Variants in VASH1 observed in about 807,000 individuals in gnomAD.
The protein encoded by VASH1 is tubulinyl-Tyr carboxypeptidase 1.
VASH1 carries 16 observed loss-of-function variants against 35.0 expected under a neutral mutation model. That is an observed-to-expected ratio of 0.46 (90% CI 0.31 to 0.70). The LOEUF is 0.70. Among genes scored for constraint, VASH1 ranks in the 30% least tolerant of loss-of-function variants. The pLI is 0.05. For synonymous variants in VASH1, 214 were observed against 200.9 expected, an observed-to-expected ratio of 1.07 and a Z score of -0.55; for missense variants, 505 against 510.7, an observed-to-expected ratio of 0.99 and a Z score of 0.11.
intron 1 of VASH1, among the ~76,000 whole-genome samples, chr14:76,767,496 C>T (rs1054378758): frequency 1.3e-5 from 2 of 152,052 alleles, no homozygotes; most frequent in African/African-American, 2.4e-5. Flanking sequence ...TTCCTGGAGC[C>T]GGGGGAATCC....
rs1893934520 is a variant in VASH1, at chr14:76,776,157, G to T, written c.796G>T (p.Asp266Tyr). 2 of 1,610,606 alleles carry T rather than the reference G, an allele frequency of 1.2e-6. No homozygotes were observed. The highest frequency in any genetic ancestry group is 1.7e-6 in the Non-Finnish European group (2 of 1,179,788). The stretch of plus-strand genomic sequence containing the variant: ...GAAGCTGGGCCAGAGCGTGTCACAC[G>T]ACCCGCACAGCGTGGAGCAGATCGA... ...KVKLGQSVSH[D>Y]PHSVEQIEWK... Residue 266 changes from aspartate (D) to tyrosine (Y), a missense_variant, in exon 5 of 7, where the codon GAC becomes TAC. Transcript: ENST00000167106.
At chr14:76,771,102 G>T in intron 2 of VASH1, 88 bp from the exon 3 acceptor site, 2 of 1,249,188 alleles carry the variant, frequency 1.6e-6, no homozygotes, top group South Asian at 1.8e-5. Flanking sequence ...CCCTCCAGGA[G>T]ACTTGGCTCT....
At chr14:76,769,414 C>T (rs1304612824) in intron 1 of VASH1, 4 of 1,289,044 alleles carry the variant, frequency 3.1e-6, no homozygotes, top group Non-Finnish European at 4.0e-6. Context: ...CGCTGACTGA[C>T]TCCTTGACAG....
At chr14:76,773,087 T>TA in intron 3 of VASH1, 50 bp from the exon 4 acceptor site, 1 of 1,582,960 alleles carries the variant, frequency 6.3e-7, no homozygotes, top group Non-Finnish European at 8.7e-7. Flanking sequence ...CACATTCCCC[T>TA]GGAGGGGCTG....
rs1440348529 is a variant in VASH1, at chr14:76,782,723, ACCGT to A, written c.*3707_*3710del. On this transcript the variant is annotated 3_prime_UTR_variant, in exon 7 of 7. Transcript: ENST00000167106. ...GCTAGCTGCAAGTCCATCAGTATTG[ACCGT>A]CTCGCTCCATCTTGGTCCTCCGGAG... 7 of 152,584 alleles carry A rather than the reference ACCGT, an allele frequency of 4.6e-5. No homozygotes were observed. Among genetic ancestry groups the A allele is most frequent in the African/African-American group, 1.7e-4 (7 of 41,444 alleles). The allele number at this position is 152,584 out of a possible 1,614,324, so 9.5% of individuals were successfully genotyped here.
chr14:76,773,544 A>G, intron 4 of VASH1: 1 of 404,766 alleles, frequency 2.5e-6, no homozygotes, highest in Non-Finnish European at 4.3e-6. Flanking sequence ...TCCAAGAACT[A>G]GACAGTCTGG....
Position 76,762,028 on chromosome 14 carries a change from C to A in VASH1, c.-794C>A, listed in dbSNP as rs1272559443. 1.3e-5 allele frequency among the ~76,000 whole-genome samples: 2 copies of A among 152,094 alleles called. No homozygotes were observed. Among genetic ancestry groups the A allele is most frequent in the Non-Finnish European group, 2.9e-5 (2 of 67,968 alleles). ...GCCCGAGTGGGGACCCGCTGGGCCT[C>A]GGGGCTCGCAGCCTTCGCCTCCCCG... On this transcript the variant is annotated 5_prime_UTR_variant, in exon 1 of 7. Coordinates refer to ENST00000167106, the MANE Select transcript of VASH1 (RefSeq NM_014909.5).
chr14:76,777,519 CTT>C (rs1259305895), intron 5 of VASH1, among the ~76,000 whole-genome samples: 8 of 152,158 alleles, frequency 5.3e-5, no homozygotes, highest in African/African-American at 1.2e-4. Context: ...AAGGATGACT[CTT>C]TTGTTTTTCT....
At chr14:76,765,220 G>C (rs1309686363) in intron 1 of VASH1, among the ~76,000 whole-genome samples, 1 of 152,134 alleles carries the variant, frequency 6.6e-6, no homozygotes, top group Non-Finnish European at 1.5e-5. Flanking sequence ...GAGCTCACTA[G>C]TAACTGGTCT....
At chr14:76,763,183 T>TGG in intron 1 of VASH1, 53 bp downstream of exon 1, 1 of 1,369,542 alleles carries the variant, frequency 7.3e-7, no homozygotes, top group East Asian at 2.8e-5. Flanking sequence ...TTAGTGACCT[T>TGG]GGGGCCAAGA....
At position 76,779,367 on chromosome 14, in the gene VASH1, C is replaced by G. The variant is rs1434769055; in HGVS notation, c.*349C>G. The G allele has an allele frequency of 1.4e-6, 1 of 696,312 alleles. No individual in the cohort carries two copies. The highest frequency in any genetic ancestry group is 2.6e-6 in the Non-Finnish European group (1 of 381,368). The allele number at this position is 696,312 out of a possible 1,614,324, so 43.1% of individuals were successfully genotyped here. A position where few individuals can be genotyped will look rare whatever the true frequency, so the allele number is the denominator to read the frequency against. ...CAGGTGAGGGAAACTGCTGGTTCTG[C>G]TGGTGCCTCTGCCCCTGGCTTCTCT... On this transcript the variant is annotated 3_prime_UTR_variant, in exon 7 of 7. Transcript: ENST00000167106.
intron 1 of VASH1, among the ~76,000 whole-genome samples, chr14:76,766,370 A>G (rs182218129): frequency 1.8e-4 from 27 of 152,330 alleles, no homozygotes; most frequent in African/African-American, 6.5e-4. Context: ...CTTATGGCTC[A>G]GGCCACAGAG....
At chr14:76,770,183 T>C in intron 2 of VASH1, 132 bp downstream of exon 2, 1 of 828,244 alleles carries the variant, frequency 1.2e-6, no homozygotes. Context: ...ACGTGACATC[T>C]CTGTGCTCCC....
At chr14:76,765,647 C>T (rs1429629535) in intron 1 of VASH1, among the ~76,000 whole-genome samples, 1 of 152,204 alleles carries the variant, frequency 6.6e-6, no homozygotes, top group Admixed American at 6.5e-5. Context: ...CAGTGTGGGG[C>T]TCAAGAAGTG....
At chr14:76,763,915 A>G (rs1051752347) in intron 1 of VASH1, among the ~76,000 whole-genome samples, 1 of 152,228 alleles carries the variant, frequency 6.6e-6, no homozygotes, top group Non-Finnish European at 1.5e-5. Context: ...TGCCTGGCAC[A>G]GAACAGGCAC....
intron 1 of VASH1, chr14:76,769,479 C>T (rs1168951862): frequency 7.8e-7 from 1 of 1,288,874 alleles, no homozygotes. Flanking sequence ...CTGGGTGGGT[C>T]CCCTACCAAG....
intron 4 of VASH1, 134 bp from the exon 5 acceptor site, chr14:76,775,758 A>G (rs72737517): frequency 0.22 from 292,461 of 1,327,670 alleles, 33,706 homozygotes; most frequent in Middle Eastern, 0.31. Context: ...CGCCAGGCGT[A>G]TGGAGATGAG....
In VASH1 at chr14:76,776,240, G is replaced by A; in HGVS notation, c.879G>A (p.Glu293=). Residue 293 remains glutamate, a synonymous_variant, in exon 5 of 7, where the codon GAG becomes GAA. Transcript: ENST00000167106. ...TGGGCCGCGATGACTTCCGCAAGGA[G>A]CTGGAGCGCCACGCCCGCGACATGC... ...ERLGRDDFRK[E]LERHARDMRL... is the part of the protein sequence containing the mutation. 2 of 1,604,212 alleles carry A rather than the reference G, an allele frequency of 1.2e-6. No homozygotes were observed. Among genetic ancestry groups the A allele is most frequent in the Non-Finnish European group, 1.7e-6 (2 of 1,177,344 alleles).
rs141081763 is a variant in VASH1 at position 76,769,973 on chromosome 14, C to T, written c.320C>T (p.Pro107Leu). The T allele has an allele frequency of 3.1e-6, 5 of 1,613,750 alleles. No individual in the cohort carries two copies. In the African/African-American group the frequency reaches 4.0e-5, roughly 13 times the overall value. Residue 107 changes from proline to leucine, a missense_variant, in exon 2 of 7, where the codon CCG (proline) becomes CTG (leucine). Transcript: ENST00000167106. ...TTTCTCTGTCCCCAGATCCCCATAC[C>T]GAGTGTGCCTACGTTCCAGCCGTCT... ...GATDLPKIPI[P>L]SVPTFQPSTP...
Sources: allele counts gnomAD v4.1 joint callset (sites outside exome capture counted in the v4.1 genomes callset), GRCh38; gene constraint gnomAD v4.1.1; transcripts MANE v1.5; gene names NCBI Gene and HGNC (gene_info 2026-07-23, HGNC 2026-07-21).